The following TBC1D5 variants were observed in gnomAD, a reference collection of about 807,000 sequenced individuals.
TBC1D5 encodes TBC1 domain family member 5.
TBC1D5 carries 75 observed loss-of-function variants against 100.3 expected under a neutral mutation model. That is an observed-to-expected ratio of 0.75 (90% confidence interval 0.62 to 0.91). TBC1D5 has a LOEUF of 0.91. Ranked by LOEUF, TBC1D5 falls within the 40% of genes least tolerant of loss-of-function variation. TBC1D5 has a pLI of 0.00. For synonymous variants in TBC1D5, 323 were observed against 325.6 expected (o/e 0.99, Z 0.09); for missense variants, 910 against 942.4 (o/e 0.97, Z 0.45).
chr3:17,228,690 T>C (rs1198640438), intron 17 of TBC1D5, among the ~76,000 whole-genome samples: 1 of 141,692 alleles, frequency 7.1e-6, no homozygotes. Flanking sequence ...AGAGAAGTTA[T>C]CTTTTTTTTT....
intron 14 of TBC1D5, among the ~76,000 whole-genome samples, chr3:17,300,276 A>C (rs2082694536): frequency 6.6e-6 from 1 of 152,216 alleles, no homozygotes; most frequent in Non-Finnish European, 1.5e-5. Context: ...CAAAAATAAG[A>C]CTATCAATTT....
At chr3:17,467,696 A>C (rs1005022254) in intron 3 of TBC1D5, among the ~76,000 whole-genome samples, 2 of 151,918 alleles carry the variant, frequency 1.3e-5, no homozygotes, top group African/African-American at 2.4e-5. Context: ...CCAACATGGC[A>C]AAACCCCATC....
At chr3:17,331,819 G>C (rs1314365818) in intron 13 of TBC1D5, among the ~76,000 whole-genome samples, 1 of 152,236 alleles carries the variant, frequency 6.6e-6, no homozygotes, top group Non-Finnish European at 1.5e-5. Context: ...GAAGGAGACA[G>C]CATGTACAAA....
chr3:17,172,483 T>C (rs529322764), intron 19 of TBC1D5, among the ~76,000 whole-genome samples: 1 of 152,334 alleles, frequency 6.6e-6, no homozygotes, highest in East Asian at 1.9e-4. Context: ...AAAGGCAGAA[T>C]AAATTTTGCC....
chr3:17,306,787 T>C (rs1559597311), intron 14 of TBC1D5, among the ~76,000 whole-genome samples: 1 of 152,124 alleles, frequency 6.6e-6, no homozygotes, highest in Non-Finnish European at 1.5e-5. Flanking sequence ...TTTATTATTA[T>C]TTATATTAAA....
intron 1 of TBC1D5, among the ~76,000 whole-genome samples, chr3:17,673,070 A>T (rs1354949617): frequency 6.6e-6 from 1 of 152,226 alleles, no homozygotes; most frequent in East Asian, 1.9e-4. Flanking sequence ...AAAAATTGCA[A>T]ATAATAGAAT....
intron 3 of TBC1D5, among the ~76,000 whole-genome samples, chr3:17,471,178 AAGTATC>A (rs1041400320): frequency 6.6e-6 from 1 of 152,182 alleles, no homozygotes; most frequent in Non-Finnish European, 1.5e-5. Flanking sequence ...CCAGAAATTT[AAGTATC>A]AGGAGACAGG....
At chr3:17,516,861 T>C (rs1197474142) in intron 2 of TBC1D5, among the ~76,000 whole-genome samples, 1 of 152,144 alleles carries the variant, frequency 6.6e-6, no homozygotes, top group African/African-American at 2.4e-5. Flanking sequence ...CCACTCTCCC[T>C]TCTCCCTCAA....
chr3:17,336,296 CTGGAAAGCTGCATG>C (rs2087784563), intron 13 of TBC1D5, among the ~76,000 whole-genome samples: 2 of 151,988 alleles, frequency 1.3e-5, no homozygotes, highest in Non-Finnish European at 1.5e-5. Context: ...AATGTAGAAA[CTGGAAAGCTGCATG>C]TTTCTCCATT....
At chr3:17,302,179 T>C (rs1270524855) in intron 14 of TBC1D5, among the ~76,000 whole-genome samples, 1 of 152,186 alleles carries the variant, frequency 6.6e-6, no homozygotes, top group African/African-American at 2.4e-5. Flanking sequence ...TGTTTCCTAT[T>C]TCTCTCCTAG....
chr3:17,258,631 T>A, intron 15 of TBC1D5, 40 bp from the exon 16 acceptor site: 1 of 1,527,908 alleles, frequency 6.5e-7, no homozygotes, highest in Non-Finnish European at 9.0e-7. Context: ...GTTAAATGAT[T>A]TAATCCATTA....
chr3:17,281,648 T>C (rs2080612523), intron 15 of TBC1D5, among the ~76,000 whole-genome samples: 1 of 152,350 alleles, frequency 6.6e-6, no homozygotes, highest in African/African-American at 2.4e-5. Context: ...AAATTCTCCA[T>C]GATAAAATGT....
intron 15 of TBC1D5, among the ~76,000 whole-genome samples, chr3:17,282,927 A>G (rs758887403): frequency 3.3e-5 from 5 of 152,220 alleles, no homozygotes; most frequent in Admixed American, 2.6e-4. Context: ...GCAAATGTAC[A>G]AGGTATTAAG....
intron 19 of TBC1D5, among the ~76,000 whole-genome samples, chr3:17,179,225 G>A (rs2596676): frequency 0.5 from 75,461 of 152,052 alleles, 19,592 homozygotes; most frequent in African/African-American, 0.64. Context: ...AAATAATCAC[G>A]AAACTCTTTT....
intron 17 of TBC1D5, among the ~76,000 whole-genome samples, chr3:17,229,985 G>A (rs1476554332): frequency 6.6e-6 from 1 of 152,298 alleles, no homozygotes; most frequent in East Asian, 1.9e-4. Context: ...CTAGCTAACT[G>A]ATGTTTCCCA....
intron 3 of TBC1D5, among the ~76,000 whole-genome samples, chr3:17,507,745 G>A (rs2095858796): frequency 6.6e-6 from 1 of 152,132 alleles, no homozygotes; most frequent in African/African-American, 2.4e-5. Flanking sequence ...AGCAGCCACT[G>A]AGTCAATTAA....
At chr3:17,727,289 G>A (rs1266738880) in intron 1 of TBC1D5, among the ~76,000 whole-genome samples, 2 of 152,228 alleles carry the variant, frequency 1.3e-5, no homozygotes, top group Non-Finnish European at 2.9e-5. Flanking sequence ...GCTGAGACAG[G>A]AGAATCGCTT....
chr3:17,548,880 AC>A (rs1420617839), intron 2 of TBC1D5, among the ~76,000 whole-genome samples: 6 of 152,356 alleles, frequency 3.9e-5, no homozygotes, highest in South Asian at 4.1e-4. Flanking sequence ...AAGGTAAGGT[AC>A]CCCTAAGGAG....
intron 2 of TBC1D5, among the ~76,000 whole-genome samples, chr3:17,529,991 C>T (rs567813139): frequency 1.3e-5 from 2 of 152,166 alleles, no homozygotes; most frequent in East Asian, 3.9e-4. Context: ...CACCTGTAAT[C>T]CCAGCATTTT....
Sources: gnomAD v4.1 joint callset for allele counts (sites outside exome capture counted in the v4.1 genomes callset) on GRCh38, gnomAD v4.1.1 for gene constraint, MANE v1.5 for transcripts, NCBI Gene and HGNC (gene_info 2026-07-23, HGNC 2026-07-21) for gene names.